Variants in UGT1A10 observed in about 807,000 individuals in gnomAD.
UGT1A10 encodes UDP glucuronosyltransferase family 1 member A10, also known as UDP-glucuronosyltransferase 1A10.
A neutral mutation model predicts 45.8 loss-of-function variants in UGT1A10; 49 were observed. The ratio of observed to expected loss-of-function variants is 1.07; its 90% CI spans 0.85 to 1.36. UGT1A10 has a LOEUF of 1.36. Among genes scored for constraint, UGT1A10 ranks in the 40% most tolerant of loss-of-function variants. The pLI is 0.00. For synonymous variants in UGT1A10, 284 were observed against 249.7 expected (o/e 1.14, Z -1.29); for missense variants, 745 against 668.6 (o/e 1.11, Z -1.26).
intron 1 of UGT1A10, chr2:233,747,826 T>C: frequency 3.7e-6 from 6 of 1,613,534 alleles, no homozygotes; most frequent in Non-Finnish European, 5.1e-6. Context: ...TCAGACCACA[T>C]GACATTCCTG....
intron 4 of UGT1A10, 78 bp from the exon 5 acceptor site, chr2:233,772,184 T>C (rs1700476163): frequency 6.3e-7 from 1 of 1,591,636 alleles, no homozygotes; most frequent in East Asian, 2.3e-5. Context: ...GTAGTCTTCT[T>C]AAGCAGCCAT....
rs59292838 is a variant in UGT1A10, at chr2:233,748,466, A to G, written c.856-18568A>G. On this transcript the variant is annotated intron_variant, in intron 1 of 4. Transcript: ENST00000344644. ...ACAATTTTCAGGGGAAAGATGATGC[A>G]ACAGCAAATTACAATTGTTAATGTG... is the stretch of plus-strand genomic sequence containing the variant. Among the ~76,000 whole-genome samples, 894 of 151,982 alleles carry G rather than the reference A, an allele frequency of 5.9e-3. 32 individuals carry two copies. The highest frequency in any genetic ancestry group is 0.021 in the African/African-American group (860 of 41,252).
At chr2:233,640,267 T>C (rs1379616658) in intron 1 of UGT1A10, among the ~76,000 whole-genome samples, 1 of 152,158 alleles carries the variant, frequency 6.6e-6, no homozygotes, top group African/African-American at 2.4e-5. Flanking sequence ...TTAGGCTAAA[T>C]AATTTTCAGT....
intron 1 of UGT1A10, among the ~76,000 whole-genome samples, chr2:233,757,990 G>A (rs1696768799): frequency 6.6e-6 from 1 of 152,054 alleles, no homozygotes; most frequent in Non-Finnish European, 1.5e-5. Flanking sequence ...ACCATCCCCT[G>A]TAATTGCCTG....
chr2:233,672,254 C>T (rs771095934), intron 1 of UGT1A10: 1 of 1,614,132 alleles, frequency 6.2e-7, no homozygotes, highest in Non-Finnish European at 8.5e-7. Flanking sequence ...AGTATATATT[C>T]TCTATTAATG....
At chr2:233,653,317 G>GTC (rs761402437) in intron 1 of UGT1A10, among the ~76,000 whole-genome samples, 3 of 152,128 alleles carry the variant, frequency 2.0e-5, no homozygotes, top group Non-Finnish European at 4.4e-5. Context: ...TAACATACAG[G>GTC]TATCTTTGCA....
intron 1 of UGT1A10, among the ~76,000 whole-genome samples, chr2:233,707,965 A>G (rs1249490903): frequency 6.6e-6 from 1 of 152,186 alleles, no homozygotes; most frequent in Non-Finnish European, 1.5e-5. Flanking sequence ...TGCCCATTCA[A>G]GTCTATTGCC....
At position 233,636,975 on chromosome 2, in the gene UGT1A10, T is replaced by C; in HGVS notation, c.453T>C (p.Asp151=). 6.2e-7 allele frequency: 1 copy of C among 1,614,194 alleles called. No homozygotes were observed. Among genetic ancestry groups the C allele is most frequent in the Non-Finnish European group, 8.5e-7 (1 of 1,180,024 alleles). ...ATGCAGTGTTTCTGGATCCTTTTGA[T>C]ACCTGTGGCTTAATTGTTGCTAAAT... is the stretch of plus-strand genomic sequence containing the variant. ...SFDAVFLDPF[D]TCGLIVAKYF... is the part of the protein sequence containing the mutation. The change falls in exon 1 of 5, where the codon GAT becomes GAC. Residue 151 remains aspartate, a synonymous_variant. Transcript: ENST00000344644.
chr2:233,738,641 GCT>G (rs1690860482), intron 1 of UGT1A10, among the ~76,000 whole-genome samples: 1 of 152,206 alleles, frequency 6.6e-6, no homozygotes, highest in Non-Finnish European at 1.5e-5. Flanking sequence ...CTGCCCTAGA[GCT>G]CTTTGGAACT....
At chr2:233,725,145 C>G (rs1322618816) in intron 1 of UGT1A10, among the ~76,000 whole-genome samples, 10 of 128,172 alleles carry the variant, frequency 7.8e-5, no homozygotes, top group African/African-American at 3.4e-4. Context: ...CAGTACAGTC[C>G]AGCTTCGGCT....
At chr2:233,648,610 GC>G (rs1161048019) in intron 1 of UGT1A10, among the ~76,000 whole-genome samples, 2 of 127,798 alleles carry the variant, frequency 1.6e-5, no homozygotes, top group African/African-American at 6.0e-5. Flanking sequence ...ACAGGTGCCT[GC>G]CACCACGCCT....
intron 1 of UGT1A10, among the ~76,000 whole-genome samples, chr2:233,715,121 A>G (rs2076433568): frequency 6.6e-6 from 1 of 152,186 alleles, no homozygotes; most frequent in Non-Finnish European, 1.5e-5. Context: ...CCTGATCTCA[A>G]GTGATTCACT....
chr2:233,677,320 A>G (rs2074387252), intron 1 of UGT1A10, among the ~76,000 whole-genome samples: 1 of 152,068 alleles, frequency 6.6e-6, no homozygotes, highest in African/African-American at 2.4e-5. Context: ...TCAAGTGTTC[A>G]TTGCTAGTAT....
At chr2:233,647,957 T>C (rs1396630329) in intron 1 of UGT1A10, 5 of 1,606,898 alleles carry the variant, frequency 3.1e-6, no homozygotes, top group Non-Finnish European at 3.4e-6. Flanking sequence ...TGGTTCACCA[T>C]GTGGTCGGTG....
intron 1 of UGT1A10, among the ~76,000 whole-genome samples, chr2:233,744,802 A>T (rs1263878691): frequency 6.6e-6 from 1 of 151,904 alleles, no homozygotes; most frequent in Non-Finnish European, 1.5e-5. Context: ...GGGGATCCCT[A>T]GGATTTCCTG....
chr2:233,693,199 G>T (rs1204736990), intron 1 of UGT1A10: 3 of 1,613,990 alleles, frequency 1.9e-6, no homozygotes, highest in Non-Finnish European at 2.5e-6. Context: ...AAGTTAATTT[G>T]CTTTTGAAAG....
At chr2:233,766,771 C>A (rs71528513) in intron 1 of UGT1A10, among the ~76,000 whole-genome samples, 1 of 152,170 alleles carries the variant, frequency 6.6e-6, no homozygotes, top group Admixed American at 6.5e-5. Flanking sequence ...TGTACCTGTG[C>A]TTTTCTTTTG....
rs1278012950 is a variant in UGT1A10, at chr2:233,718,882, G to C, written c.856-48152G>C. The stretch of plus-strand genomic sequence containing the variant: ...GCCACAGGACTGCTGCTCCTCCTCA[G>C]TGTCCAGCCCTGGGCTGAGAGTGGA... On this transcript the variant is annotated intron_variant, in intron 1 of 4. Coordinates refer to ENST00000344644, the MANE Select transcript of UGT1A10 (RefSeq NM_019075.4). 1 of 1,613,978 alleles carries C rather than the reference G, an allele frequency of 6.2e-7. No homozygotes were observed.
chr2:233,746,228 CA>C (rs1693331108), intron 1 of UGT1A10, among the ~76,000 whole-genome samples: 1 of 151,630 alleles, frequency 6.6e-6, no homozygotes, highest in Non-Finnish European at 1.5e-5. Context: ...GACAGATATG[CA>C]AACTGCTAAA....
Sources: allele counts gnomAD v4.1 joint callset (sites outside exome capture counted in the v4.1 genomes callset), GRCh38; gene constraint gnomAD v4.1.1; transcripts MANE v1.5; gene names NCBI Gene and HGNC (gene_info 2026-07-23, HGNC 2026-07-21).